DOCK4: variants seen among roughly 807,000 people sequenced by gnomAD.
DOCK4 encodes the protein dedicator of cytokinesis protein 4.
In DOCK4, 97 loss-of-function variants were observed where a neutral mutation model predicts 268.1. The ratio of observed to expected loss-of-function variants is 0.36; its 90% CI spans 0.31 to 0.43. The LOEUF (loss-of-function observed/expected upper bound fraction) is 0.43. Ranked by LOEUF, DOCK4 falls within the 20% of genes least tolerant of loss-of-function variation. The probability of loss-of-function intolerance (pLI) is 1.00; values close to 1 mark genes in which losing one functional copy is unlikely to be tolerated. For synonymous variants in DOCK4, 954 were observed against 887.2 expected (o/e 1.08, Z -1.34); for missense variants, 2,145 against 2,455.7 (o/e 0.87, Z 2.67).
chr7:112,134,276 G>A (rs1039724677), intron 1 of DOCK4, among the ~76,000 whole-genome samples: 5 of 152,104 alleles, frequency 3.3e-5, no homozygotes, highest in African/African-American at 9.7e-5. Context: ...AACAGCTTGC[G>A]AGAGGTAAAC....
chr7:111,829,024 C>T (rs975662169), intron 26 of DOCK4, among the ~76,000 whole-genome samples: 2 of 151,742 alleles, frequency 1.3e-5, no homozygotes, highest in African/African-American at 4.8e-5. Context: ...CACTTTATCA[C>T]TTTTTAAAAC....
intron 1 of DOCK4, among the ~76,000 whole-genome samples, chr7:112,190,184 T>C (rs1038802845): frequency 6.6e-6 from 1 of 152,212 alleles, no homozygotes; most frequent in African/African-American, 2.4e-5. Context: ...CATTCATTGA[T>C]TCAACACTTA....
chr7:112,177,264 G>A (rs1818618020), intron 1 of DOCK4, among the ~76,000 whole-genome samples: 1 of 152,142 alleles, frequency 6.6e-6, no homozygotes, highest in East Asian at 1.9e-4. Context: ...ATACCTGTGT[G>A]ATCTTAGGCA....
At chr7:111,732,411 G>A (rs74504826) in intron 51 of DOCK4, 124 bp from the exon 52 acceptor site, 3 of 925,648 alleles carry the variant, frequency 3.2e-6, no homozygotes, top group East Asian at 5.2e-5. Flanking sequence ...CTAAGCAAAG[G>A]GGGTGGTGAG....
intron 16 of DOCK4, among the ~76,000 whole-genome samples, chr7:111,894,580 C>A (rs1341492786): frequency 6.6e-6 from 1 of 152,048 alleles, no homozygotes; most frequent in Non-Finnish European, 1.5e-5. Flanking sequence ...CCCAGGTGAG[C>A]CTCCAGGGAT....
intron 47 of DOCK4, chr7:111,740,039 G>T: frequency 2.7e-6 from 1 of 366,254 alleles, no homozygotes; most frequent in Non-Finnish European, 5.5e-6. Flanking sequence ...AAATACCTTT[G>T]GAAACTTTCT....
At position 111,742,817 on chromosome 7, in the gene DOCK4, C is replaced by T. The variant is rs142726125; in HGVS notation, c.4678-685G>A. ...GACCAGCCTGGACAACACAGTGAAA[C>T]GCTGTCTCTACTAAAAATACAAAAA... On this transcript the variant is annotated intron_variant, in intron 44 of 52. Coordinates refer to ENST00000428084, the MANE Select transcript of DOCK4 (RefSeq NM_001363540.2). Among the ~76,000 whole-genome samples, 1,134 of 152,148 alleles carry T rather than the reference C, an allele frequency of 7.5e-3. 19 individuals are homozygous for T. Among genetic ancestry groups the T allele is most frequent in the African/African-American group, 0.025 (1,058 of 41,520 alleles).
chr7:111,751,949 G>A (rs552208696), intron 42 of DOCK4, among the ~76,000 whole-genome samples: 68 of 151,220 alleles, frequency 4.5e-4, no homozygotes, highest in African/African-American at 1.6e-3. Context: ...CTGTTTAGAC[G>A]GTGTCTTACT....
chr7:111,970,318 TAAAA>T (rs35715861), intron 8 of DOCK4, among the ~76,000 whole-genome samples: 5,707 of 149,806 alleles, frequency 0.038, 378 homozygotes, highest in African/African-American at 0.13. Flanking sequence ...GGCAAGTTAT[TAAAA>T]AAAAAGAAAA....
intron 1 of DOCK4, among the ~76,000 whole-genome samples, chr7:112,067,167 T>C (rs112802978): frequency 7.3e-5 from 11 of 149,950 alleles, no homozygotes; most frequent in African/African-American, 2.5e-4. Flanking sequence ...CAAGACTCTG[T>C]CTCAAAAAAC....
chr7:111,924,464 G>C (rs1180254795), intron 12 of DOCK4, among the ~76,000 whole-genome samples: 1 of 152,182 alleles, frequency 6.6e-6, no homozygotes, highest in Non-Finnish European at 1.5e-5. Context: ...TTGGCTACAT[G>C]TATATGTAGT....
chr7:111,984,150 T>C (rs2135177183), intron 7 of DOCK4, among the ~76,000 whole-genome samples, 156 bp downstream of exon 7: 1 of 152,262 alleles, frequency 6.6e-6, no homozygotes, highest in South Asian at 2.1e-4. Context: ...CTCAGTACTG[T>C]ACTGAGGGCA....
chr7:112,163,020 G>A (rs1175373397), intron 1 of DOCK4, among the ~76,000 whole-genome samples: 1 of 152,128 alleles, frequency 6.6e-6, no homozygotes, highest in Non-Finnish European at 1.5e-5. Context: ...CTCCTTTGTA[G>A]CTGCTACTGC....
chr7:111,771,760 G>A (rs1215328086), intron 36 of DOCK4, among the ~76,000 whole-genome samples: 4 of 152,098 alleles, frequency 2.6e-5, no homozygotes, highest in South Asian at 4.1e-4. Context: ...CTTGTCATCC[G>A]AACAAGCTGT....
intron 1 of DOCK4, among the ~76,000 whole-genome samples, chr7:112,148,964 C>T (rs915750969): frequency 3.3e-5 from 5 of 152,202 alleles, no homozygotes; most frequent in Non-Finnish European, 5.9e-5. Flanking sequence ...TTTTCTGGAA[C>T]TCAGGTGAAG....
intron 1 of DOCK4, among the ~76,000 whole-genome samples, chr7:112,173,921 C>A (rs955719346): frequency 2.0e-5 from 3 of 152,134 alleles, no homozygotes; most frequent in Non-Finnish European, 2.9e-5. Flanking sequence ...CCTGGACCAG[C>A]AGACCAGCCC....
At position 112,206,116 on chromosome 7, in the gene DOCK4, T is replaced by G. The variant is rs200528090; in HGVS notation, c.23A>C (p.Glu8Ala). The G allele has an allele frequency of 1.3e-4, 200 of 1,586,916 alleles. No individual in the cohort carries two copies. The highest frequency in any genetic ancestry group is 2.7e-4 in the Admixed American group (15 of 56,116). The change falls in exon 1 of 53, where the codon GAG becomes GCG. Residue 8 changes from glutamate to alanine, a missense_variant. Glu to Ala is a moderately radical substitution (Grantham distance 107, BLOSUM62 -1). Around this residue, in one of 2 missense-constraint regions of DOCK4, gnomAD observed 1,598 missense variants for 1,986.7 expected, o/e 0.80. Coordinates refer to ENST00000428084, the MANE Select transcript of DOCK4 (RefSeq NM_001363540.2). MWIPTEH[E>A]KYGVVIASFR... is the part of the protein sequence containing the mutation. ...CGGAGACTCACCCACGCCGTATTTC[T>G]CGTGCTCCGTAGGTATCCACATGGC...
chr7:111,790,537 G>A lies in DOCK4; in HGVS notation c.3235C>T (p.Pro1079Ser). ...PFLEVTLIPQ[P>S]DLRNVMIPIF... ...GGAATCATGACATTCCGAAGATCTG[G>A]CTGGGGTATCAAGGTCACTTCTAGG... The change falls in exon 31 of 53, where the codon CCA (proline) becomes TCA (serine). Residue 1079 changes from proline (P) to serine (S), a missense_variant. Pro to Ser is a moderately conservative substitution (Grantham distance 74). Around this residue, in one of 2 missense-constraint regions of DOCK4, gnomAD observed 1,598 missense variants for 1,986.7 expected, o/e 0.80. Coordinates refer to ENST00000428084, the MANE Select transcript of DOCK4 (RefSeq NM_001363540.2). 1.2e-6 allele frequency: 2 copies of A among 1,613,910 alleles called. No homozygotes were observed. Among genetic ancestry groups the A allele is most frequent in the Non-Finnish European group, 1.7e-6 (2 of 1,179,854 alleles).
intron 12 of DOCK4, among the ~76,000 whole-genome samples, chr7:111,916,876 A>C (rs1345708495): frequency 1.3e-5 from 2 of 150,738 alleles, no homozygotes; most frequent in South Asian, 2.1e-4. Flanking sequence ...TAAGTTCTCT[A>C]GTGGTGATTT....
Sources: gnomAD v4.1 joint callset for allele counts (sites outside exome capture counted in the v4.1 genomes callset) on GRCh38, gnomAD v4.1.1 for gene constraint, gnomAD v4.1.1 regional missense constraint, MANE v1.5 for transcripts, NCBI Gene and HGNC (gene_info 2026-07-23, HGNC 2026-07-21) for gene names.